MACROD2: variants seen among roughly 807,000 people sequenced by gnomAD.
MACROD2 encodes mono-ADP ribosylhydrolase 2, also known as ADP-ribose glycohydrolase MACROD2.
A neutral mutation model predicts 70.4 loss-of-function variants in MACROD2; 36 were observed. That is an observed-to-expected ratio of 0.51 (90% CI 0.39 to 0.68). MACROD2 has a LOEUF of 0.68. Ranked by LOEUF, MACROD2 falls within the 30% of genes least tolerant of loss-of-function variation. MACROD2 has a pLI of 0.00. For missense variants in MACROD2, 496 were observed against 538.4 expected (o/e 0.92, Z 0.78); for synonymous variants, 172 against 178.8 (o/e 0.96, Z 0.30).
chr20:14,038,294 T>G (rs2053345291), intron 2 of MACROD2, among the ~76,000 whole-genome samples: 1 of 118,786 alleles, frequency 8.4e-6, no homozygotes, highest in East Asian at 2.8e-4. Context: ...AGACTCCGTC[T>G]CAAAAAAAAA....
intron 2 of MACROD2, among the ~76,000 whole-genome samples, chr20:14,058,450 A>T (rs1378053529): frequency 6.6e-6 from 1 of 151,752 alleles, no homozygotes; most frequent in Non-Finnish European, 1.5e-5. Context: ...ACAAAAAAAA[A>T]AATGAAACTT....
chr20:14,085,618 C>T lies in MACROD2; in HGVS notation c.164-3C>T, dbSNP rs2054067357. ...ATTGATATATATCCATTTTCTATTACAGAAGAAAATACTCAGGAAACATCC... is the reference window on the plus strand; with the variant it reads ...ATTGATATATATCCATTTTCTATTATAGAAGAAAATACTCAGGAAACATCC... On this transcript the variant is annotated splice_polypyrimidine_tract_variant and splice_region_variant and intron_variant, in intron 2 of 17. Transcript: ENST00000684519. 2 of 1,502,550 alleles carry T rather than the reference C, an allele frequency of 1.3e-6. No homozygotes were observed. Among genetic ancestry groups the T allele is most frequent in the Admixed American group, 4.0e-5 (2 of 49,554 alleles). 93.1% of individuals were successfully genotyped at this position (1,502,550 alleles called of 1,614,324 possible).
At chr20:14,380,954 T>A (rs1600180688) in intron 3 of MACROD2, among the ~76,000 whole-genome samples, 1 of 152,206 alleles carries the variant, frequency 6.6e-6, no homozygotes, top group East Asian at 1.9e-4. Flanking sequence ...TGTCCAGGCT[T>A]GTATTTTCTC....
At chr20:15,714,790 T>C (rs916466187) in intron 8 of MACROD2, among the ~76,000 whole-genome samples, 1 of 152,068 alleles carries the variant, frequency 6.6e-6, no homozygotes, top group Non-Finnish European at 1.5e-5. Flanking sequence ...TATACTTTTT[T>C]ATTCCTACTA....
chr20:14,552,418 CAAG>C (rs1568666693), intron 4 of MACROD2, among the ~76,000 whole-genome samples: 2 of 151,138 alleles, frequency 1.3e-5, no homozygotes, highest in East Asian at 3.9e-4. Context: ...GATTTAGCTA[CAAG>C]AAGAGTAAAG....
intron 3 of MACROD2, among the ~76,000 whole-genome samples, chr20:14,475,594 A>G (rs1005820681): frequency 6.6e-6 from 1 of 151,730 alleles, no homozygotes; most frequent in Admixed American, 6.6e-5. Flanking sequence ...AACAGGTCTG[A>G]TAGCAATTAA....
chr20:14,227,138 G>T (rs951238892), intron 3 of MACROD2, among the ~76,000 whole-genome samples: 1 of 152,160 alleles, frequency 6.6e-6, no homozygotes, highest in Non-Finnish European at 1.5e-5. Flanking sequence ...AGCTACTCTG[G>T]TGGGGCCTTG....
intron 2 of MACROD2, among the ~76,000 whole-genome samples, chr20:14,073,555 A>G (rs1464311343): frequency 6.6e-6 from 1 of 152,220 alleles, no homozygotes; most frequent in African/African-American, 2.4e-5. Flanking sequence ...ATGTGCATTT[A>G]TATGGACAAT....
chr20:14,765,513 G>T (rs1369028420), intron 5 of MACROD2, among the ~76,000 whole-genome samples: 2 of 152,070 alleles, frequency 1.3e-5, no homozygotes, highest in African/African-American at 4.8e-5. Context: ...CCACCCATAG[G>T]TAGCCAAGTC....
At chr20:14,638,012 T>C (rs942993912) in intron 4 of MACROD2, among the ~76,000 whole-genome samples, 6 of 151,554 alleles carry the variant, frequency 4.0e-5, no homozygotes, top group African/African-American at 1.5e-4. Context: ...TGAATTATGA[T>C]TTTTTTTTCT....
intron 2 of MACROD2, among the ~76,000 whole-genome samples, chr20:14,047,454 C>CAAAAAAA (rs11479438): frequency 1.0e-5 from 1 of 99,208 alleles, no homozygotes; most frequent in African/African-American, 4.1e-5. Context: ...GACTCCGTCT[C>CAAAAAAA]AAAAAAAAAA....
At chr20:14,358,525 C>T (rs1315094195) in intron 3 of MACROD2, among the ~76,000 whole-genome samples, 1 of 151,970 alleles carries the variant, frequency 6.6e-6, no homozygotes, top group Non-Finnish European at 1.5e-5. Flanking sequence ...GGTGCAATCT[C>T]GGCTCACGGC....
chr20:14,884,472 C>T (rs193038668), intron 5 of MACROD2: 1 of 152,138 alleles, frequency 6.6e-6, no homozygotes, highest in Admixed American at 6.5e-5. Flanking sequence ...TTCTTTGGAT[C>T]CAAGATACCA....
chr20:14,760,981 A>T (rs1363683854), intron 5 of MACROD2, among the ~76,000 whole-genome samples: 1 of 152,090 alleles, frequency 6.6e-6, no homozygotes, highest in Non-Finnish European at 1.5e-5. Flanking sequence ...GCAGTATTGC[A>T]GTATCGAGGC....
chr20:14,042,364 C>G (rs181747167), intron 2 of MACROD2, among the ~76,000 whole-genome samples: 1 of 152,120 alleles, frequency 6.6e-6, no homozygotes, highest in African/African-American at 2.4e-5. Context: ...AAAAAACACA[C>G]TCAAAGTGCT....
intron 7 of MACROD2, among the ~76,000 whole-genome samples, chr20:15,476,103 A>G (rs2047019135): frequency 6.6e-6 from 1 of 152,234 alleles, no homozygotes. Context: ...GTTGTAATAC[A>G]AAGATAAGTT....
At chr20:15,422,780 TTTAA>T (rs1275457735) in intron 6 of MACROD2, among the ~76,000 whole-genome samples, 7 of 152,340 alleles carry the variant, frequency 4.6e-5, no homozygotes, top group Non-Finnish European at 7.4e-5. Context: ...CATCACAGAA[TTTAA>T]TAGCCAAATA....
Position 15,748,127 on chromosome 20 carries a change from C to T in MACROD2, c.646-114618C>T, listed in dbSNP as rs576974641. ...GGCCATGTTATTTCCTTTCTTAATG[C>T]ATCTGCTTATATATGACTGCTTCTT... is the stretch of plus-strand genomic sequence containing the variant. On this transcript the variant is annotated intron_variant, in intron 8 of 17. Coordinates refer to ENST00000684519, the MANE Select transcript of MACROD2 (RefSeq NM_001351661.2). Among the ~76,000 whole-genome samples, 7 of 152,258 alleles carry T rather than the reference C, an allele frequency of 4.6e-5. No individual in the cohort carries two copies. In the East Asian group the frequency reaches 1.4e-3, roughly 29 times the overall value.
At chr20:15,856,561 A>G (rs1166316237) in intron 8 of MACROD2, among the ~76,000 whole-genome samples, 1 of 152,154 alleles carries the variant, frequency 6.6e-6, no homozygotes, top group African/African-American at 2.4e-5. Context: ...ACATACCTAC[A>G]TTTTAGTCAA....
Sources: gnomAD v4.1 joint callset for allele counts (sites outside exome capture counted in the v4.1 genomes callset) on GRCh38, gnomAD v4.1.1 for gene constraint, MANE v1.5 for transcripts, NCBI Gene and HGNC (gene_info 2026-07-23, HGNC 2026-07-21) for gene names.